ANK3: variants seen among roughly 807,000 people sequenced by gnomAD.
The protein encoded by ANK3 is ankyrin-3.
In ANK3, 57 loss-of-function variants were observed where a neutral mutation model predicts 370.9. That is an observed-to-expected ratio of 0.15 (90% CI 0.12 to 0.19). The LOEUF is 0.19. Among genes scored for constraint, ANK3 ranks in the 10% least tolerant of loss-of-function variants. ANK3 has a pLI of 1.00. For synonymous variants in ANK3, 1,929 were observed against 1,946.3 expected (o/e 0.99, Z 0.23); for missense variants, 4,439 against 5,302.1 (o/e 0.84, Z 5.06).
intron 1 of ANK3, among the ~76,000 whole-genome samples, chr10:60,372,945 T>C (rs2060296469): frequency 6.6e-6 from 1 of 152,236 alleles, no homozygotes; most frequent in Non-Finnish European, 1.5e-5. Context: ...GCATTAAATA[T>C]GATTTGAGTG....
chr10:60,479,004 A>C (rs1206528336), intron 2 of ANK3, among the ~76,000 whole-genome samples: 3 of 152,262 alleles, frequency 2.0e-5, no homozygotes, highest in East Asian at 3.9e-4. Flanking sequence ...AGCTGTTCCC[A>C]AACCACGATC....
At chr10:60,590,360 T>G (rs1595328961) in intron 2 of ANK3, among the ~76,000 whole-genome samples, 1 of 152,226 alleles carries the variant, frequency 6.6e-6, no homozygotes, top group African/African-American at 2.4e-5. Flanking sequence ...ATGATAATAT[T>G]TTGAGTATAT....
At chr10:60,255,961 G>A (rs953584969) in intron 7 of ANK3, among the ~76,000 whole-genome samples, 2 of 152,104 alleles carry the variant, frequency 1.3e-5, no homozygotes, top group Non-Finnish European at 2.9e-5. Flanking sequence ...GTTCCCACTT[G>A]GGGGAAATGA....
chr10:60,574,656 C>T (rs529024603), intron 2 of ANK3, among the ~76,000 whole-genome samples: 5 of 152,186 alleles, frequency 3.3e-5, no homozygotes, highest in Non-Finnish European at 7.3e-5. Context: ...ACTGCTTCTA[C>T]CGCTCATTGA....
intron 8 of ANK3, among the ~76,000 whole-genome samples, chr10:60,224,066 ATAGTGTTGATCTCCAG>A (rs1304499101): frequency 6.6e-6 from 1 of 152,078 alleles, no homozygotes. Context: ...ACTGCATAGA[ATAGTGTTGATCTCCAG>A]TTGAAAAATG....
intron 1 of ANK3, among the ~76,000 whole-genome samples, chr10:60,732,443 G>A (rs946677896): frequency 6.6e-6 from 1 of 152,314 alleles, no homozygotes; most frequent in Non-Finnish European, 1.5e-5. Context: ...GGTGTGGGGT[G>A]GGAAGAAGGA....
intron 28 of ANK3, among the ~76,000 whole-genome samples, chr10:60,091,643 T>C (rs1171407715): frequency 1.3e-5 from 2 of 151,874 alleles, no homozygotes; most frequent in African/African-American, 4.8e-5. Flanking sequence ...CTGCCCTGTA[T>C]AACCTGCGGA....
At chr10:60,294,721 A>G (rs1239806621) in intron 1 of ANK3, among the ~76,000 whole-genome samples, 1 of 152,204 alleles carries the variant, frequency 6.6e-6, no homozygotes, top group African/African-American at 2.4e-5. Flanking sequence ...GAGAAGTCAG[A>G]TAGACAGATA....
intron 2 of ANK3, among the ~76,000 whole-genome samples, chr10:60,492,728 AG>A (rs2075548546): frequency 2.9e-5 from 4 of 140,158 alleles, no homozygotes; most frequent in African/African-American, 8.2e-5. Context: ...AAAAAAAGAA[AG>A]AAAGAAAGAA....
chr10:60,619,464 A>G, intron 1 of ANK3, among the ~76,000 whole-genome samples: 1 of 152,224 alleles, frequency 6.6e-6, no homozygotes, highest in East Asian at 1.9e-4. Context: ...GTGGAATACA[A>G]TTTAAATAGA....
Position 60,365,150 on chromosome 10 carries a change from GA to G in ANK3, c.114+24274del, listed in dbSNP as rs368397676. 3.5e-4 allele frequency among the ~76,000 whole-genome samples: 53 copies of G among 150,676 alleles called. 1 individual carries two copies. In the East Asian group the frequency reaches 9.5e-3, roughly 27 times the overall value. ...GAATAGAAAATGAGATGAGGGAAAT[GA>G]AAAACTTCTTATATTAGCAAGATAT... On this transcript the variant is annotated intron_variant, in intron 1 of 43. Transcript: ENST00000280772.
rs943460705 is a variant in ANK3, at chr10:60,389,342, C to G, written c.114+83G>C. 5 of 1,323,500 alleles carry G rather than the reference C, an allele frequency of 3.8e-6. No homozygotes were observed. The South Asian group carries it at 3.8e-5, about 10-fold the overall frequency. The allele number at this position is 1,323,500 out of a possible 1,614,324, so 82.0% of individuals were successfully genotyped here. A position where few individuals can be genotyped will look rare whatever the true frequency, so the allele number is the denominator to read the frequency against. ...ACTCTACCCAGCATGTAAAAATAACCCTTAATGCTTCTAACAGATGCCAGA... is the reference window on the plus strand; with the variant it reads ...ACTCTACCCAGCATGTAAAAATAACGCTTAATGCTTCTAACAGATGCCAGA... On this transcript the variant is annotated intron_variant, in intron 1 of 43. Transcript: ENST00000280772.
intron 2 of ANK3, among the ~76,000 whole-genome samples, chr10:60,490,320 T>C (rs1335649078): frequency 6.6e-6 from 1 of 152,216 alleles, no homozygotes; most frequent in East Asian, 1.9e-4. Context: ...AACTCTGGGA[T>C]GAGGCCCAGA....
intron 7 of ANK3, among the ~76,000 whole-genome samples, chr10:60,235,550 G>GTTTTTTTTTTTTT (rs72388493): frequency 7.0e-5 from 8 of 115,052 alleles, no homozygotes; most frequent in Admixed American, 9.6e-5. Context: ...CTGATTTCTT[G>GTTTTTTTTTTTTT]TTTTTTTTTT....
intron 1 of ANK3, among the ~76,000 whole-genome samples, chr10:60,284,122 T>C (rs1453490416): frequency 6.6e-6 from 1 of 152,072 alleles, no homozygotes; most frequent in Non-Finnish European, 1.5e-5. Flanking sequence ...AGAAGTCACA[T>C]GGACACATAA....
At chr10:60,435,173 A>G (rs1404193664) in intron 2 of ANK3, among the ~76,000 whole-genome samples, 1 of 152,160 alleles carries the variant, frequency 6.6e-6, no homozygotes, top group African/African-American at 2.4e-5. Context: ...GTATTACAAA[A>G]CAGTATAGGA....
intron 1 of ANK3, among the ~76,000 whole-genome samples, chr10:60,309,581 G>A (rs548749551): frequency 6.6e-6 from 1 of 152,242 alleles, no homozygotes; most frequent in South Asian, 2.1e-4. Flanking sequence ...ATTACTCCAG[G>A]GGGGTGTTCT....
At chr10:60,604,048 C>A (rs763694199) in intron 2 of ANK3, among the ~76,000 whole-genome samples, 5 of 152,032 alleles carry the variant, frequency 3.3e-5, no homozygotes, top group Non-Finnish European at 7.4e-5. Flanking sequence ...AAAGATGGCT[C>A]CAAAGAATTC....
intron 2 of ANK3, among the ~76,000 whole-genome samples, chr10:60,532,207 G>A (rs1379111527): frequency 1.3e-5 from 2 of 152,174 alleles, no homozygotes; most frequent in Non-Finnish European, 2.9e-5. Context: ...AAGAGACCCA[G>A]TTGCATACTT....
Sources: gnomAD v4.1 joint callset for allele counts (sites outside exome capture counted in the v4.1 genomes callset) on GRCh38, gnomAD v4.1.1 for gene constraint, MANE v1.5 for transcripts, NCBI Gene and HGNC (gene_info 2026-07-23, HGNC 2026-07-21) for gene names.